The following RIMBP2 variants were observed in gnomAD, a reference collection of about 807,000 sequenced individuals.
RIMBP2 encodes the protein RIMS-binding protein 2.
A neutral mutation model predicts 118.6 loss-of-function variants in RIMBP2; 48 were observed. That is an observed-to-expected ratio of 0.40 (90% CI 0.32 to 0.51). The LOEUF is 0.51. Among genes scored for constraint, RIMBP2 ranks in the 20% least tolerant of loss-of-function variants. The pLI is 0.41. For missense variants in RIMBP2, 1,551 were observed against 1,768.3 expected (o/e 0.88, Z 2.20); for synonymous variants, 762 against 742.9 (o/e 1.03, Z -0.42).
At chr12:130,547,571 A>G (rs1566240998) in intron 2 of RIMBP2, among the ~76,000 whole-genome samples, 1 of 152,246 alleles carries the variant, frequency 6.6e-6, no homozygotes, top group Non-Finnish European at 1.5e-5. Context: ...ACCCCAAAGC[A>G]GCAATGCTGG....
chr12:130,543,551 C>T (rs1451246001), intron 2 of RIMBP2, among the ~76,000 whole-genome samples: 2 of 152,064 alleles, frequency 1.3e-5, no homozygotes, highest in African/African-American at 2.4e-5. Flanking sequence ...GGACTCAAAG[C>T]TCTTCTCCAA....
At chr12:130,711,351 C>A (rs1013362047) in intron 1 of RIMBP2, among the ~76,000 whole-genome samples, 1 of 152,224 alleles carries the variant, frequency 6.6e-6, no homozygotes, top group African/African-American at 2.4e-5. Flanking sequence ...ATGTCTATTA[C>A]CCTTTTCACG....
chr12:130,670,852 C>T lies in RIMBP2; in HGVS notation c.-351-42396G>A, dbSNP rs2064164864. Reference sequence around the variant, plus strand: ...GCAGTGGCGCAATCTCAGCTCACTGCAACCTCTGCCTCCCAGGTTCAAGCA... The same window carrying T: ...GCAGTGGCGCAATCTCAGCTCACTGTAACCTCTGCCTCCCAGGTTCAAGCA... On this transcript the variant is annotated intron_variant, in intron 1 of 22. Transcript: ENST00000690449. This position sits in a 1 kb window ranked among gnomAD's most constrained non-coding sequence, Gnocchi z 4.9. Among the ~76,000 whole-genome samples, 1 of 152,188 alleles carries T rather than the reference C, an allele frequency of 6.6e-6. No individual in the cohort carries two copies. Among genetic ancestry groups the T allele is most frequent in the Non-Finnish European group, 1.5e-5 (1 of 68,032 alleles).
At chr12:130,600,611 C>T (rs2059820096) in intron 2 of RIMBP2, among the ~76,000 whole-genome samples, 1 of 152,210 alleles carries the variant, frequency 6.6e-6, no homozygotes, top group South Asian at 2.1e-4. Context: ...CCAGTGGAAC[C>T]TCCCCTCTGG....
chr12:130,662,343 C>G (rs2136354851), intron 1 of RIMBP2, among the ~76,000 whole-genome samples: 1 of 152,228 alleles, frequency 6.6e-6, no homozygotes, highest in South Asian at 2.1e-4. Context: ...AGTTTCAGCA[C>G]CAAGCCACCT....
intron 2 of RIMBP2, among the ~76,000 whole-genome samples, chr12:130,568,802 G>C (rs1041171337): frequency 6.6e-6 from 1 of 152,134 alleles, no homozygotes; most frequent in Non-Finnish European, 1.5e-5. Context: ...GCCAGCTCCT[G>C]TGAGGTGGGC....
intron 6 of RIMBP2, among the ~76,000 whole-genome samples, chr12:130,460,613 T>C (rs988054496): frequency 2.0e-5 from 3 of 152,170 alleles, no homozygotes; most frequent in African/African-American, 7.2e-5. Context: ...TCATTATTAC[T>C]ACCTGCAAGC....
intron 1 of RIMBP2, among the ~76,000 whole-genome samples, chr12:130,697,169 C>T (rs907542616): frequency 3.9e-5 from 6 of 152,200 alleles, no homozygotes; most frequent in Admixed American, 2.6e-4. Context: ...AGACACAATA[C>T]CGGACGAAAG....
At chr12:130,613,648 T>C (rs1398144829) in intron 2 of RIMBP2, among the ~76,000 whole-genome samples, 2 of 151,960 alleles carry the variant, frequency 1.3e-5, no homozygotes, top group African/African-American at 4.8e-5. Flanking sequence ...ACCCCATCTC[T>C]ACTACAAAGA....
At chr12:130,682,326 C>T (rs990508728) in intron 1 of RIMBP2, among the ~76,000 whole-genome samples, 2 of 152,186 alleles carry the variant, frequency 1.3e-5, no homozygotes, top group Non-Finnish European at 2.9e-5. Flanking sequence ...ACCGCCAGCC[C>T]CAAGATGGAA....
chr12:130,580,391 G>A (rs1019296546), intron 2 of RIMBP2, among the ~76,000 whole-genome samples: 1 of 152,058 alleles, frequency 6.6e-6, no homozygotes, highest in Non-Finnish European at 1.5e-5. Flanking sequence ...TTTTATGAAA[G>A]GGCAGTTCCC....
rs764633786 is a variant in RIMBP2 at position 130,422,495 on chromosome 12, C to T, written c.3196G>A (p.Ala1066Thr). 2.9e-5 allele frequency: 46 copies of T among 1,613,146 alleles called. No homozygotes were observed. Among genetic ancestry groups the T allele is most frequent in the African/African-American group, 4.0e-5 (3 of 74,924 alleles). ...HMGRRFPRGS[A>T]GPQRSRPVTV... ...ACGGGCCGGGACCTCTGAGGACCAG[C>T]GCTGCCACGGGGAAACCTCCGGCCC... The change falls in exon 17 of 23, where the codon GCT becomes ACT. Residue 1066 changes from alanine to threonine, a missense_variant. By Grantham distance (58) the Ala-to-Thr change is moderately conservative. Around this residue, in one of 5 missense-constraint regions of RIMBP2, gnomAD observed 1,038 missense variants for 1,125.1 expected, o/e 0.92. Coordinates refer to ENST00000690449, the MANE Select transcript of RIMBP2 (RefSeq NM_001393629.1). This position sits in a 1 kb window ranked among gnomAD's most constrained non-coding sequence, Gnocchi z 5.2.
At position 130,706,508 on chromosome 12, in the gene RIMBP2, G is replaced by A. The variant is rs538753735; in HGVS notation, c.-352+9714C>T. On this transcript the variant is annotated intron_variant, in intron 1 of 22. Coordinates refer to ENST00000690449, the MANE Select transcript of RIMBP2 (RefSeq NM_001393629.1). ...AGTGAAGGCTGCTTCCGAGGGACACGTTCACGGAGCAGCTCCCCGCACAGA... is the reference window on the plus strand; with the variant it reads ...AGTGAAGGCTGCTTCCGAGGGACACATTCACGGAGCAGCTCCCCGCACAGA... 6.6e-5 allele frequency among the ~76,000 whole-genome samples: 10 copies of A among 152,376 alleles called. No homozygotes were observed. In the South Asian group the frequency reaches 1.7e-3, roughly 25 times the overall value.
At chr12:130,572,135 G>A (rs899518410) in intron 2 of RIMBP2, among the ~76,000 whole-genome samples, 5 of 152,224 alleles carry the variant, frequency 3.3e-5, no homozygotes, top group Admixed American at 6.5e-5. Flanking sequence ...GAAACAGCAT[G>A]GCCAGGAGTT....
intron 3 of RIMBP2, among the ~76,000 whole-genome samples, chr12:130,508,816 G>A (rs534356244): frequency 6.6e-6 from 1 of 152,284 alleles, no homozygotes; most frequent in African/African-American, 2.4e-5. Flanking sequence ...CAAGATTTTT[G>A]TACTGAATGG....
At chr12:130,462,577 TG>T (rs1188154792) in intron 6 of RIMBP2, among the ~76,000 whole-genome samples, 1 of 152,228 alleles carries the variant, frequency 6.6e-6, no homozygotes, top group Non-Finnish European at 1.5e-5. Context: ...TGTGGACTAG[TG>T]AGGCCCTGCT....
chr12:130,647,022 T>C (rs866622385), intron 1 of RIMBP2, among the ~76,000 whole-genome samples: 5 of 152,292 alleles, frequency 3.3e-5, no homozygotes, highest in Middle Eastern at 6.8e-3. Context: ...TGGGGACCCA[T>C]CTTAAGGGGC....
intron 19 of RIMBP2, among the ~76,000 whole-genome samples, chr12:130,408,445 C>T (rs933916794): frequency 1.2e-4 from 18 of 152,226 alleles, no homozygotes; most frequent in African/African-American, 3.9e-4. Context: ...GATCCCAGCT[C>T]TGCACAGTCG....
At chr12:130,460,028 C>T (rs1676291339) in intron 6 of RIMBP2, among the ~76,000 whole-genome samples, 1 of 152,194 alleles carries the variant, frequency 6.6e-6, no homozygotes, top group African/African-American at 2.4e-5. Context: ...AATCTACGCA[C>T]AGGAACTGTG....
Sources: gnomAD v4.1 joint callset for allele counts (sites outside exome capture counted in the v4.1 genomes callset) on GRCh38, gnomAD v4.1.1 for gene constraint, gnomAD v4.1.1 regional missense constraint, Gnocchi (gnomAD v3.1) non-coding constraint, MANE v1.5 for transcripts, NCBI Gene and HGNC (gene_info 2026-07-23, HGNC 2026-07-21) for gene names.